FMN1: variants seen among roughly 807,000 people sequenced by gnomAD.
FMN1 encodes the protein formin-1.
A neutral mutation model predicts 132.4 loss-of-function variants in FMN1; 110 were observed. The ratio of observed to expected loss-of-function variants is 0.83; its 90% confidence interval spans 0.71 to 0.97. FMN1 has a LOEUF of 0.97. FMN1 is among the 50% of genes least tolerant of loss of function. The probability of loss-of-function intolerance (pLI) is 0.00; values close to 1 mark genes in which losing one functional copy is unlikely to be tolerated. For missense variants in FMN1, 1,792 were observed against 1,705.3 expected (o/e 1.05, Z -0.90); for synonymous variants, 722 against 651.7 (o/e 1.11, Z -1.64).
At chr15:33,052,645 T>C (rs1187041236) in intron 6 of FMN1, among the ~76,000 whole-genome samples, 1 of 152,124 alleles carries the variant, frequency 6.6e-6, no homozygotes, top group African/African-American at 2.4e-5. Context: ...GGCAGCCAAA[T>C]ACCTAGGCAG....
Position 32,769,550 on chromosome 15 carries a change from G to T in FMN1, c.*4760C>A, listed in dbSNP as rs1005563538. The T allele has an allele frequency of 6.6e-6, 1 of 152,238 alleles. No homozygotes were observed. Among genetic ancestry groups the T allele is most frequent in the Admixed American group, 6.5e-5 (1 of 15,282 alleles). 9.4% of individuals were successfully genotyped at this position (152,238 alleles called of 1,614,324 possible). On this transcript the variant is annotated 3_prime_UTR_variant, in exon 21 of 21. Transcript: ENST00000616417. ...TCATTATGTAAGTCTAAAGAAGAAA[G>T]ATATGCTAAGTCAAGTATTTGAAGA...
intron 4 of FMN1, among the ~76,000 whole-genome samples, chr15:33,096,870 G>C (rs1804575103): frequency 6.6e-6 from 1 of 152,106 alleles, no homozygotes; most frequent in Non-Finnish European, 1.5e-5. Context: ...CCAAAGTGCT[G>C]GGATTACAGG....
chr15:33,002,579 G>A (rs1265691699), intron 7 of FMN1, among the ~76,000 whole-genome samples: 1 of 152,148 alleles, frequency 6.6e-6, no homozygotes, highest in East Asian at 1.9e-4. Context: ...CAGGTAAAGT[G>A]GCCCAGAGAG....
At chr15:32,944,154 C>A (rs927565199) in intron 9 of FMN1, among the ~76,000 whole-genome samples, 5 of 152,212 alleles carry the variant, frequency 3.3e-5, no homozygotes, top group African/African-American at 1.2e-4. Flanking sequence ...TTCTCTCTTA[C>A]GGGAGAATAA....
chr15:32,860,120 A>G (rs370742073), intron 16 of FMN1, among the ~76,000 whole-genome samples: 2 of 147,000 alleles, frequency 1.4e-5, no homozygotes, highest in African/African-American at 4.9e-5. Flanking sequence ...GGAAAGAAGG[A>G]AGAGAGAGAC....
chr15:33,097,984 T>C (rs534032851), intron 4 of FMN1, among the ~76,000 whole-genome samples: 2 of 152,288 alleles, frequency 1.3e-5, no homozygotes, highest in Admixed American at 6.5e-5. Flanking sequence ...TTTATCAAAA[T>C]AGACCGCACA....
At chr15:32,880,995 T>G (rs2059756344) in intron 16 of FMN1, among the ~76,000 whole-genome samples, 2 of 152,214 alleles carry the variant, frequency 1.3e-5, no homozygotes, top group Non-Finnish European at 2.9e-5. Flanking sequence ...TCAGTGCTAT[T>G]GTCAACACCC....
intron 6 of FMN1, among the ~76,000 whole-genome samples, chr15:33,040,021 T>G (rs2036357012): frequency 6.6e-6 from 1 of 152,174 alleles, no homozygotes; most frequent in Non-Finnish European, 1.5e-5. Flanking sequence ...CAGTCCAAAG[T>G]GCTCAGCATG....
chr15:32,835,156 G>T (rs140380850), intron 17 of FMN1, among the ~76,000 whole-genome samples: 1 of 152,234 alleles, frequency 6.6e-6, no homozygotes, highest in East Asian at 1.9e-4. Flanking sequence ...GGAGGAGAGG[G>T]CAGGACACAG....
rs547395297 is a variant in FMN1 at position 33,088,190 on chromosome 15, C to A, written c.2043+609G>T. ...TTCATGTAACCAAACACCACCTGTT[C>A]GCCAAAAACCTATTGAAATTAAAAA... is the stretch of plus-strand genomic sequence containing the variant. On this transcript the variant is annotated intron_variant, in intron 5 of 20. Transcript: ENST00000616417. 6.3e-4 allele frequency among the ~76,000 whole-genome samples: 96 copies of A among 151,702 alleles called. No homozygotes were observed. The South Asian group carries it at 6.5e-3, about 10-fold the overall frequency.
At position 33,009,916 on chromosome 15, in the gene FMN1, T is replaced by G. The variant is rs986183123; in HGVS notation, c.2162-1841A>C. Reference sequence around the variant, plus strand: ...TTGTTTGTTTTTTTTGAGATGGAGTTTCACTCGTTTCCCAGGCTAAAGTGC... The same window carrying G: ...TTGTTTGTTTTTTTTGAGATGGAGTGTCACTCGTTTCCCAGGCTAAAGTGC... On this transcript the variant is annotated intron_variant, in intron 6 of 20. Transcript: ENST00000616417. 5.4e-5 allele frequency among the ~76,000 whole-genome samples: 8 copies of G among 146,836 alleles called. No homozygotes were observed. In the South Asian group the frequency reaches 8.6e-4, roughly 16 times the overall value.
At chr15:33,128,592 T>C (rs1265190138) in intron 4 of FMN1, among the ~76,000 whole-genome samples, 2 of 152,232 alleles carry the variant, frequency 1.3e-5, no homozygotes, top group Non-Finnish European at 2.9e-5. Context: ...GTGGTCTAAC[T>C]TCACAAACAT....
At chr15:32,827,865 TAC>T (rs1435008549) in intron 17 of FMN1, among the ~76,000 whole-genome samples, 1 of 149,064 alleles carries the variant, frequency 6.7e-6, no homozygotes, top group African/African-American at 2.5e-5. Flanking sequence ...AAAAAGGACA[TAC>T]AGATTGCTGG....
At chr15:33,071,010 G>A (rs1385398320) in intron 5 of FMN1, among the ~76,000 whole-genome samples, 1 of 152,166 alleles carries the variant, frequency 6.6e-6, no homozygotes, top group Non-Finnish European at 1.5e-5. Flanking sequence ...CTCTTCGAAA[G>A]CCCAGAGGCT....
At chr15:33,097,519 A>C (rs183335148) in intron 4 of FMN1, among the ~76,000 whole-genome samples, 98 of 152,288 alleles carry the variant, frequency 6.4e-4, no homozygotes, top group African/African-American at 2.2e-3. Flanking sequence ...TGGACAAGGA[A>C]AAAATATTAT....
At chr15:33,164,541 TAAC>T (rs1312879735) in intron 3 of FMN1, among the ~76,000 whole-genome samples, 1 of 152,214 alleles carries the variant, frequency 6.6e-6, no homozygotes, top group African/African-American at 2.4e-5. Flanking sequence ...CCAGATATGT[TAAC>T]AAGGTGTGCG....
intron 17 of FMN1, among the ~76,000 whole-genome samples, chr15:32,822,828 A>G (rs1340659566): frequency 6.6e-6 from 1 of 152,202 alleles, no homozygotes; most frequent in African/African-American, 2.4e-5. Flanking sequence ...CTCTGAGATT[A>G]TAAAACACAC....
At chr15:32,858,561 T>C (rs2059189160) in intron 16 of FMN1, among the ~76,000 whole-genome samples, 1 of 152,230 alleles carries the variant, frequency 6.6e-6, no homozygotes, top group South Asian at 2.1e-4. Flanking sequence ...ATTGACATTG[T>C]TTCTTAAAGA....
Position 33,010,611 on chromosome 15 carries a change from C to G in FMN1, c.2162-2536G>C, listed in dbSNP as rs1303025714. 2.0e-5 allele frequency among the ~76,000 whole-genome samples: 3 copies of G among 151,998 alleles called. No individual in the cohort carries two copies. The East Asian group carries it at 5.8e-4, about 29-fold the overall frequency. On this transcript the variant is annotated intron_variant, in intron 6 of 20. Transcript: ENST00000616417. The stretch of plus-strand genomic sequence containing the variant: ...GATGTAATGGATGAGAAAAAAGACA[C>G]AAAATCTACATAGATTATAAAGAGA...
Sources: gnomAD v4.1 joint callset for allele counts (sites outside exome capture counted in the v4.1 genomes callset) on GRCh38, gnomAD v4.1.1 for gene constraint, MANE v1.5 for transcripts, NCBI Gene and HGNC (gene_info 2026-07-23, HGNC 2026-07-21) for gene names.